SORBS2: variants seen among roughly 807,000 people sequenced by gnomAD.
The protein encoded by SORBS2 is sorbin and SH3 domain containing 2.
In SORBS2, 46 loss-of-function variants were observed where a neutral mutation model predicts 97.7. That is an observed-to-expected ratio of 0.47 (90% CI 0.37 to 0.60). The LOEUF (loss-of-function observed/expected upper bound fraction) is 0.60. SORBS2 is among the 20% of genes least tolerant of loss of function. The probability of loss-of-function intolerance (pLI) is 0.00; values close to 1 mark genes in which losing one functional copy is unlikely to be tolerated. For synonymous variants in SORBS2, 476 were observed against 473.4 expected (o/e 1.01, Z -0.07); for missense variants, 1,316 against 1,282.3 (o/e 1.03, Z -0.40).
chr4:185,906,172 T>TACTG (rs2149849185), intron 1 of SORBS2, among the ~76,000 whole-genome samples: 1 of 152,308 alleles, frequency 6.6e-6, no homozygotes, highest in Admixed American at 6.5e-5. Context: ...TAGCTGGGAC[T>TACTG]ACTGGCATGC....
At chr4:185,798,575 A>T (rs200135176) in intron 1 of SORBS2, among the ~76,000 whole-genome samples, 16 of 152,234 alleles carry the variant, frequency 1.1e-4, no homozygotes, top group African/African-American at 1.7e-4. Flanking sequence ...CCTCGTTTTT[A>T]AAAAAAGTGG....
At chr4:185,861,805 G>A (rs2099223965) in intron 1 of SORBS2, among the ~76,000 whole-genome samples, 1 of 151,864 alleles carries the variant, frequency 6.6e-6, no homozygotes, top group Admixed American at 6.6e-5. Flanking sequence ...GGGGTTTTTG[G>A]CCAGGCTGGT....
intron 2 of SORBS2, among the ~76,000 whole-genome samples, chr4:185,735,719 T>G (rs560685721): frequency 5.3e-4 from 80 of 152,298 alleles, no homozygotes; most frequent in Non-Finnish European, 1.0e-3. Flanking sequence ...TGTGTGTGTG[T>G]GGGTGCAATT....
Position 185,626,926 on chromosome 4 carries a change from C to T in SORBS2, c.540G>A (p.Arg180=), listed in dbSNP as rs755931206. The stretch of plus-strand genomic sequence containing the variant: ...GGAGGTCCACTCGGCCTGGGCTAGT[C>T]CTGCTCGCACTTTGATCTCCCAAGC... The change falls in exon 6 of 15, where the codon AGG becomes AGA. Residue 180 remains arginine, a synonymous_variant. Transcript: ENST00000418609. 4 of 1,614,202 alleles carry T rather than the reference C, an allele frequency of 2.5e-6. No homozygotes were observed. In the Admixed American group the frequency reaches 6.7e-5, roughly 27 times the overall value.
intron 2 of SORBS2, among the ~76,000 whole-genome samples, chr4:185,736,369 C>G (rs180931130): frequency 3.9e-5 from 6 of 152,282 alleles, no homozygotes; most frequent in Admixed American, 1.3e-4. Flanking sequence ...ATTTAAAAGT[C>G]TTGCCTGGTC....
At chr4:185,705,178 A>G (rs1041583188) in intron 2 of SORBS2, among the ~76,000 whole-genome samples, 5 of 152,252 alleles carry the variant, frequency 3.3e-5, no homozygotes, top group African/African-American at 1.2e-4. Context: ...AGGACTACCC[A>G]GAAGTTGGTC....
chr4:185,868,282 G>C (rs918428178), intron 1 of SORBS2, among the ~76,000 whole-genome samples: 2 of 150,478 alleles, frequency 1.3e-5, no homozygotes, highest in Admixed American at 6.6e-5. Flanking sequence ...TCAGCTTCCC[G>C]AGTAGCTGGG....
intron 1 of SORBS2, among the ~76,000 whole-genome samples, chr4:185,827,072 TCATCATCAC>T (rs1202155930): frequency 1.4e-5 from 2 of 139,512 alleles, no homozygotes; most frequent in East Asian, 2.1e-4. Context: ...ATCATCACCA[TCATCATCAC>T]CATCATCACC....
At chr4:185,839,812 T>C (rs2099210404) in intron 1 of SORBS2, among the ~76,000 whole-genome samples, 1 of 152,200 alleles carries the variant, frequency 6.6e-6, no homozygotes, top group Non-Finnish European at 1.5e-5. Flanking sequence ...AGGTAAATTG[T>C]AGCAGCGTTA....
Position 185,769,860 on chromosome 4 carries a change from CT to C in SORBS2, c.-198+5366del, listed in dbSNP as rs369732097. Among the ~76,000 whole-genome samples, 133 of 152,298 alleles carry C rather than the reference CT, an allele frequency of 8.7e-4. 1 individual carries two copies. Among genetic ancestry groups the C allele is most frequent in the Middle Eastern group, 3.4e-3 (1 of 294 alleles). On this transcript the variant is annotated intron_variant, in intron 2 of 20. Transcript: ENST00000284776. ...AGTGAAAAATAATGTGTTTAGGTAA[CT>C]GGGCAGCACAGGAAAAAGACCGTTT...
At chr4:185,638,683 G>A (rs961430828) in intron 4 of SORBS2, among the ~76,000 whole-genome samples, 194 bp downstream of exon 14, 1 of 151,346 alleles carries the variant, frequency 6.6e-6, no homozygotes, top group Non-Finnish European at 1.5e-5. Context: ...GGGAGGGGTG[G>A]GAAGACAGGC....
chr4:185,794,724 G>A (rs1173470362), intron 1 of SORBS2, among the ~76,000 whole-genome samples: 1 of 152,072 alleles, frequency 6.6e-6, no homozygotes, highest in Non-Finnish European at 1.5e-5. Context: ...TAGCAGGCTG[G>A]GGACTCGGTG....
In SORBS2 at chr4:185,787,405, T is replaced by A. The variant is rs56385926; in HGVS notation, c.-337-12039A>T. On this transcript the variant is annotated intron_variant, in intron 1 of 20. Transcript: ENST00000284776. ...TAAAAAGTACGTAAAAGACAACATC[T>A]TCTTCACACACATATTTAGAAGGGA... 4.7e-3 allele frequency among the ~76,000 whole-genome samples: 721 copies of A among 152,244 alleles called. 8 individuals carry two copies. The highest frequency in any genetic ancestry group is 0.016 in the African/African-American group (678 of 41,528).
chr4:185,709,304 C>CTTTTTTTTTTTTTTTTTTTTTTTTTTTT (rs70962587), intron 2 of SORBS2, among the ~76,000 whole-genome samples: 11 of 96,762 alleles, frequency 1.1e-4, no homozygotes, highest in African/African-American at 4.1e-4. Context: ...CTGGCCAAAT[C>CTTTTTTTTTTTTTTTTTTTTTTTTTTTT]TTTTTTTTTT....
chr4:185,715,158 A>G (rs1404293361), intron 2 of SORBS2, among the ~76,000 whole-genome samples: 2 of 152,236 alleles, frequency 1.3e-5, no homozygotes, highest in African/African-American at 4.8e-5. Flanking sequence ...TTTGGATAGC[A>G]TGACTAAATA....
chr4:185,791,635 C>G (rs1240344219), intron 1 of SORBS2, among the ~76,000 whole-genome samples: 1 of 151,844 alleles, frequency 6.6e-6, no homozygotes, highest in South Asian at 2.1e-4. Flanking sequence ...TAGGACTAAT[C>G]TGCAACGTGG....
intron 2 of SORBS2, among the ~76,000 whole-genome samples, chr4:185,752,479 T>G (rs1198858264): frequency 6.6e-6 from 1 of 152,184 alleles, no homozygotes; most frequent in Non-Finnish European, 1.5e-5. Flanking sequence ...GGTTTCACCG[T>G]GTTGGCCAGG....
At position 185,684,870 on chromosome 4, in the gene SORBS2, CAG is replaced by C. The variant is rs902928630; in HGVS notation, c.-197-6050_-197-6049del. On this transcript the variant is annotated intron_variant, in intron 2 of 20. Coordinates refer to the SORBS2 transcript ENST00000284776. This position sits in a 1 kb window ranked among gnomAD's most constrained non-coding sequence, Gnocchi z 4.2. Reference sequence around the variant, plus strand: ...ATCTGGAAGCAAAAAAATGATATAGCAGAGGCCAAGGCAACGGGAAAAGCACG... The same window carrying C: ...ATCTGGAAGCAAAAAAATGATATAGCAGGCCAAGGCAACGGGAAAAGCACG... 6 of 1,540,374 alleles carry C rather than the reference CAG, an allele frequency of 3.9e-6. No homozygotes were observed. Among genetic ancestry groups the C allele is most frequent in the African/African-American group, 1.4e-5 (1 of 72,900 alleles).
At chr4:185,894,793 C>A (rs1264985528) in intron 1 of SORBS2, among the ~76,000 whole-genome samples, 1 of 152,210 alleles carries the variant, frequency 6.6e-6, no homozygotes, top group African/African-American at 2.4e-5. Context: ...GCAACCCACT[C>A]CCTCAGCAAA....
Sources: allele counts gnomAD v4.1 joint callset (sites outside exome capture counted in the v4.1 genomes callset), GRCh38; gene constraint gnomAD v4.1.1; non-coding constraint Gnocchi (gnomAD v3.1); transcripts MANE v1.5; gene names NCBI Gene and HGNC (gene_info 2026-07-23, HGNC 2026-07-21).